DNAH17: variants seen among roughly 807,000 people sequenced by gnomAD.
The protein encoded by DNAH17 is dynein axonemal heavy chain 17, also known as axonemal beta dynein heavy chain 17.
DNAH17 carries 376 observed loss-of-function variants against 485.6 expected under a neutral mutation model. That is an observed-to-expected ratio of 0.77 (90% CI 0.71 to 0.84). The LOEUF (loss-of-function observed/expected upper bound fraction) is 0.84, where lower values mean the gene tolerates loss of function less well. Ranked by LOEUF, DNAH17 falls within the 40% of genes least tolerant of loss-of-function variation. DNAH17 has a pLI of 0.00. For missense variants in DNAH17, 6,370 were observed against 5,839.3 expected (o/e 1.09, Z -2.96); for synonymous variants, 3,031 against 2,405.9 (o/e 1.26, Z -7.60).
intron 20 of DNAH17, among the ~76,000 whole-genome samples, chr17:78,531,512 G>C (rs1048707192): frequency 6.6e-6 from 1 of 151,854 alleles, no homozygotes; most frequent in Non-Finnish European, 1.5e-5. Flanking sequence ...CTAATTTTTT[G>C]TATTTTCAGT....
At chr17:78,459,354 AC>A in intron 60 of DNAH17, 146 bp from the exon 61 acceptor site, 9 of 770,230 alleles carry the variant, frequency 1.2e-5, no homozygotes, top group East Asian at 2.5e-5. Flanking sequence ...CCTAGAGGCC[AC>A]CCCCCACCGG....
At chr17:78,477,162 G>A (rs560543411) in intron 51 of DNAH17, among the ~76,000 whole-genome samples, 9 of 152,122 alleles carry the variant, frequency 5.9e-5, no homozygotes, top group Non-Finnish European at 1.3e-4. Flanking sequence ...GCTTATTGAG[G>A]GCCTGGAATT....
chr17:78,426,074 C>T (rs1283313285), intron 79 of DNAH17, among the ~76,000 whole-genome samples: 1 of 152,128 alleles, frequency 6.6e-6, no homozygotes, highest in African/African-American at 2.4e-5. Context: ...CTGTTTGCTC[C>T]ATTTTAAACA....
At chr17:78,518,254 T>C (rs1266666887) in intron 25 of DNAH17, among the ~76,000 whole-genome samples, 2 of 152,094 alleles carry the variant, frequency 1.3e-5, no homozygotes, top group African/African-American at 4.8e-5. Context: ...AGAAACTCAG[T>C]TCAAACACAA....
chr17:78,545,804 G>T (rs1450401899), intron 16 of DNAH17, among the ~76,000 whole-genome samples: 1 of 151,886 alleles, frequency 6.6e-6, no homozygotes, highest in African/African-American at 2.4e-5. Flanking sequence ...ATTCTCATTG[G>T]GAACACAACA....
chr17:78,478,238 CCATCAT>C (rs576039917), intron 51 of DNAH17, among the ~76,000 whole-genome samples: 1 of 132,492 alleles, frequency 7.5e-6, no homozygotes, highest in African/African-American at 3.1e-5. Flanking sequence ...ACCATCACCA[CCATCAT>C]CACCACCATC....
chr17:78,477,214 A>G (rs558436899), intron 51 of DNAH17, among the ~76,000 whole-genome samples: 1 of 152,258 alleles, frequency 6.6e-6, no homozygotes, highest in East Asian at 1.9e-4. Context: ...GACGCTGTGG[A>G]GTTGACATGC....
intron 25 of DNAH17, among the ~76,000 whole-genome samples, chr17:78,520,668 A>ATAGGTATAAAACATGAGGTAT (rs2090911022): frequency 6.6e-6 from 1 of 152,244 alleles, no homozygotes; most frequent in Non-Finnish European, 1.5e-5. Flanking sequence ...GTATAAATGT[A>ATAGGTATAAAACATGAGGTAT]ACAAAACATG....
At chr17:78,516,186 C>T (rs1425486573) in intron 25 of DNAH17, among the ~76,000 whole-genome samples, 1 of 152,176 alleles carries the variant, frequency 6.6e-6, no homozygotes, top group Non-Finnish European at 1.5e-5. Flanking sequence ...CTGGCAGGTT[C>T]GAGATTACCC....
chr17:78,561,853 T>C lies in DNAH17; in HGVS notation c.1697A>G (p.Gln566Arg), dbSNP rs747124535. The C allele has an allele frequency of 1.4e-5, 23 of 1,613,864 alleles. No individual in the cohort carries two copies. In the Admixed American group the frequency reaches 1.7e-4, roughly 12 times the overall value. The change falls in exon 12 of 81, where the codon CAG becomes CGG. Residue 566 changes from glutamine (Q) to arginine (R), a missense_variant. By Grantham distance (43) the Gln-to-Arg change is conservative (BLOSUM62 1). Transcript: ENST00000389840. ...LDNAKILYDAQMAASEEGNIP... is the reference protein window; with the variant it reads ...LDNAKILYDARMAASEEGNIP... ...GTTCCCCTCCTCGGAGGCCGCCATCTGGGCATCGTACAAGATCTTAGCATT... is the reference window on the plus strand; with the variant it reads ...GTTCCCCTCCTCGGAGGCCGCCATCCGGGCATCGTACAAGATCTTAGCATT...
rs576195988 is a variant in DNAH17, at chr17:78,570,289, G to T, written c.1002C>A (p.Ile334=). 6.1e-5 allele frequency: 98 copies of T among 1,599,068 alleles called. No individual in the cohort carries two copies. The East Asian group carries it at 2.2e-3, about 36-fold the overall frequency. The change falls in exon 7 of 81, where the codon ATC becomes ATA. Residue 334 remains isoleucine (I), a synonymous_variant. Coordinates refer to ENST00000389840, the MANE Select transcript of DNAH17 (RefSeq NM_173628.4). ...TSEYYNTPAR[I]IVILQEFCNQ... The stretch of plus-strand genomic sequence containing the variant: ...TGCAGAACTCCTGCAGGATGACGAT[G>T]ATCCTGGCAGGTGTGTTATAGTACT...
At chr17:78,509,562 T>C (rs1375241519) in intron 27 of DNAH17, among the ~76,000 whole-genome samples, 2 of 152,224 alleles carry the variant, frequency 1.3e-5, no homozygotes, top group African/African-American at 4.8e-5. Flanking sequence ...CAAGTCAAAA[T>C]GTGACAATTC....
intron 16 of DNAH17, among the ~76,000 whole-genome samples, chr17:78,548,803 G>A (rs1430736475): frequency 6.6e-6 from 1 of 152,214 alleles, no homozygotes; most frequent in Admixed American, 6.5e-5. Flanking sequence ...GATGCTGCTG[G>A]CTGTCATGTC....
At chr17:78,553,299 TTTTTTTTTTTTTTTTTTTTTA>T (rs1416757290) in intron 14 of DNAH17, among the ~76,000 whole-genome samples, 7 of 66,874 alleles carry the variant, frequency 1.0e-4, no homozygotes, top group East Asian at 4.3e-4. Context: ...TTTTTTTTTT[TTTTTTTTTTTTTTTTTTTTTA>T]AGATGGAGTC....
chr17:78,496,992 TCAG>T (rs1310807077), intron 37 of DNAH17: 4 of 152,174 alleles, frequency 2.6e-5, no homozygotes, highest in Admixed American at 6.5e-5. Flanking sequence ...CTTTTATCAC[TCAG>T]CAGAATTCTC....
intron 55 of DNAH17, 87 bp downstream of exon 55, chr17:78,468,530 T>A: frequency 6.9e-7 from 1 of 1,458,128 alleles, no homozygotes; most frequent in South Asian, 1.4e-5. Context: ...TCAGTCCTCC[T>A]GCTCTATGCA....
In DNAH17 at chr17:78,552,795, A is replaced by G. The variant is rs1272894341; in HGVS notation, c.2189T>C (p.Ile730Thr). Residue 730 changes from isoleucine (I) to threonine (T), a missense_variant, in exon 15 of 81, where the codon ATA becomes ACA. Transcript: ENST00000389840. ...IVGWYNEIKT[I>T]VKAVEFLLIK... Reference sequence around the variant, plus strand: ...TAGTAGAAATTCTACTGCCTTCACTATAGTCTTTATCTGAAAAACAGAGGT... The same window carrying G: ...TAGTAGAAATTCTACTGCCTTCACTGTAGTCTTTATCTGAAAAACAGAGGT... 9.3e-6 allele frequency: 15 copies of G among 1,609,614 alleles called. No individual in the cohort carries two copies. The highest frequency in any genetic ancestry group is 1.3e-5 in the Non-Finnish European group (15 of 1,176,028).
intron 14 of DNAH17, among the ~76,000 whole-genome samples, chr17:78,554,301 G>A (rs1382494870): frequency 6.6e-6 from 1 of 151,830 alleles, no homozygotes; most frequent in African/African-American, 2.4e-5. Context: ...TTAGCCCGGT[G>A]TGGTGGTGTG....
At chr17:78,447,650 G>A (rs1023887362) in intron 69 of DNAH17, among the ~76,000 whole-genome samples, 2 of 152,178 alleles carry the variant, frequency 1.3e-5, no homozygotes, top group African/African-American at 4.8e-5. Flanking sequence ...ATTAGGGGGA[G>A]CACTGAGGAA....
Sources: allele counts gnomAD v4.1 joint callset (sites outside exome capture counted in the v4.1 genomes callset), GRCh38; gene constraint gnomAD v4.1.1; transcripts MANE v1.5; gene names NCBI Gene and HGNC (gene_info 2026-07-23, HGNC 2026-07-21).